ANKRD44: variants seen among roughly 807,000 people sequenced by gnomAD.
ANKRD44 encodes ankyrin repeat domain 44.
In ANKRD44, 35 loss-of-function variants were observed where a neutral mutation model predicts 116.0. That is an observed-to-expected ratio of 0.30 (90% CI 0.23 to 0.40). The LOEUF is 0.40. Ranked by LOEUF, ANKRD44 falls within the 10% of genes least tolerant of loss-of-function variation. The pLI is 1.00. For missense variants in ANKRD44, 1,014 were observed against 1,242.6 expected, an observed-to-expected ratio of 0.82 and a Z score of 2.77; for synonymous variants, 435 against 461.8, an observed-to-expected ratio of 0.94 and a Z score of 0.74.
chr2:197,104,616 G>A (rs905192528), intron 9 of ANKRD44, among the ~76,000 whole-genome samples: 2 of 152,156 alleles, frequency 1.3e-5, no homozygotes, highest in Non-Finnish European at 2.9e-5. Flanking sequence ...CCAGGACACT[G>A]TCCCTTGTAA....
At position 197,122,833 on chromosome 2, in the gene ANKRD44, A is replaced by G. The variant is rs749976313; in HGVS notation, c.551-41T>C. ...AGCAGAAAACATCGTTAACCTTTAT[A>G]GGACAATTTGCTGATTCATTTCACC... On this transcript the variant is annotated intron_variant, in intron 6 of 27. Coordinates refer to ENST00000282272, the MANE Select transcript of ANKRD44 (RefSeq NM_001195144.2). The G allele has an allele frequency of 1.3e-5, 20 of 1,595,584 alleles. No homozygotes were observed. In the Admixed American group the frequency reaches 3.5e-4, roughly 28 times the overall value.
intron 1 of ANKRD44, among the ~76,000 whole-genome samples, chr2:197,303,840 T>A (rs1056968918): frequency 3.3e-5 from 5 of 152,214 alleles, no homozygotes; most frequent in African/African-American, 1.2e-4. Context: ...AAATTATGAA[T>A]ATCATAATTA....
At chr2:197,035,089 A>C (rs1161236495) in intron 16 of ANKRD44, among the ~76,000 whole-genome samples, 1 of 152,220 alleles carries the variant, frequency 6.6e-6, no homozygotes, top group East Asian at 1.9e-4. Context: ...TAGAAGGTTA[A>C]ATTTAAGCCT....
intron 17 of ANKRD44, among the ~76,000 whole-genome samples, chr2:197,019,818 C>G (rs1016207900): frequency 1.1e-4 from 16 of 147,950 alleles, no homozygotes; most frequent in South Asian, 4.2e-4. Context: ...TTTTTTTGAG[C>G]TGGAGTCTCA....
At chr2:197,162,742 G>A (rs1405942137) in intron 2 of ANKRD44, among the ~76,000 whole-genome samples, 1 of 152,080 alleles carries the variant, frequency 6.6e-6, no homozygotes, top group Non-Finnish European at 1.5e-5. Flanking sequence ...ACATCTAACT[G>A]CCTGCTTTCC....
chr2:197,203,782 C>T lies in ANKRD44; in HGVS notation c.28-16676G>A, dbSNP rs1479023202. 6.6e-6 allele frequency among the ~76,000 whole-genome samples: 1 copy of T among 152,124 alleles called. No homozygotes were observed. Among genetic ancestry groups the T allele is most frequent in the East Asian group, 1.9e-4 (1 of 5,198 alleles). Reference sequence around the variant, plus strand: ...GCCGTAGAGTAAAATATTACTCAGCCATGAAAAGGAACAGCGTATAATGAT... The same window carrying T: ...GCCGTAGAGTAAAATATTACTCAGCTATGAAAAGGAACAGCGTATAATGAT... On this transcript the variant is annotated intron_variant, in intron 1 of 27. Transcript: ENST00000282272. This position sits in a 1 kb window ranked among gnomAD's most constrained non-coding sequence, Gnocchi z 4.1.
chr2:197,195,854 T>C (rs1304475079), intron 1 of ANKRD44, among the ~76,000 whole-genome samples: 3 of 152,218 alleles, frequency 2.0e-5, no homozygotes, highest in Non-Finnish European at 4.4e-5. Context: ...CATATTTCTA[T>C]CAGGATCTGC....
chr2:197,143,786 C>T (rs1316430496), intron 3 of ANKRD44, among the ~76,000 whole-genome samples: 1 of 152,108 alleles, frequency 6.6e-6, no homozygotes, highest in Non-Finnish European at 1.5e-5. Flanking sequence ...CCCACCACCA[C>T]ATTCAGCTAA....
chr2:197,098,213 T>C (rs2078207961), intron 10 of ANKRD44, among the ~76,000 whole-genome samples: 1 of 152,196 alleles, frequency 6.6e-6, no homozygotes, highest in East Asian at 1.9e-4. Flanking sequence ...AATTTGTGCT[T>C]GTTCTTATCT....
At chr2:197,228,153 T>C (rs1469107065) in intron 1 of ANKRD44, among the ~76,000 whole-genome samples, 4 of 152,226 alleles carry the variant, frequency 2.6e-5, no homozygotes, top group Admixed American at 6.5e-5. Flanking sequence ...CCTTGGATAT[T>C]TGACAAGGTT....
chr2:196,994,990 G>A, intron 26 of ANKRD44: 1 of 155,260 alleles, frequency 6.4e-6, no homozygotes, highest in Non-Finnish European at 1.4e-5. Context: ...AATGTATTCT[G>A]GGAAACTGAT....
In ANKRD44 at chr2:197,276,275, CAAAA is replaced by C. The variant is rs11351342; in HGVS notation, c.27+34299_27+34302del. 7.4e-5 allele frequency among the ~76,000 whole-genome samples: 8 copies of C among 108,064 alleles called. No individual in the cohort carries two copies. The East Asian group carries it at 8.0e-4, about 11-fold the overall frequency. The allele number at this position is 108,064 out of a possible 152,430, so 70.9% of individuals were successfully genotyped here. On this transcript the variant is annotated intron_variant, in intron 1 of 27. Coordinates refer to ENST00000282272, the MANE Select transcript of ANKRD44 (RefSeq NM_001195144.2). Reference sequence around the variant, plus strand: ...GAGCAAAAAGAGCGAAACTTGGTCTCAAAAAAAAAAAAAAAAAAAGGAAAATTAA... The same window carrying C: ...GAGCAAAAAGAGCGAAACTTGGTCTCAAAAAAAAAAAAAAAGGAAAATTAA...
chr2:197,104,442 AC>A (rs1425774875), intron 9 of ANKRD44, among the ~76,000 whole-genome samples: 1 of 152,158 alleles, frequency 6.6e-6, no homozygotes, highest in Non-Finnish European at 1.5e-5. Flanking sequence ...TAAAAGTAGG[AC>A]TATTGGACTA....
intron 2 of ANKRD44, among the ~76,000 whole-genome samples, chr2:197,159,637 A>G (rs895300020): frequency 2.0e-5 from 3 of 152,268 alleles, no homozygotes; most frequent in African/African-American, 7.2e-5. Flanking sequence ...TTTGAAAACG[A>G]CAAAACATTA....
intron 2 of ANKRD44, among the ~76,000 whole-genome samples, chr2:197,174,600 C>G (rs929448781): frequency 6.6e-6 from 1 of 152,158 alleles, no homozygotes; most frequent in Non-Finnish European, 1.5e-5. Context: ...AACTTCAGGA[C>G]AGTGGTTCCC....
At chr2:197,237,721 GT>G (rs1366539266) in intron 1 of ANKRD44, among the ~76,000 whole-genome samples, 3 of 152,118 alleles carry the variant, frequency 2.0e-5, no homozygotes. Flanking sequence ...AGGTCTGATT[GT>G]TTTATTTATT....
chr2:197,001,917 A>G, intron 21 of ANKRD44, 77 bp from the exon 22 acceptor site: 1 of 1,094,490 alleles, frequency 9.1e-7, no homozygotes, highest in East Asian at 2.4e-5. Flanking sequence ...TTCATTAAGT[A>G]TTGAGTTTTT....
chr2:197,065,216 C>A (rs1019943728), intron 16 of ANKRD44, among the ~76,000 whole-genome samples: 3 of 152,016 alleles, frequency 2.0e-5, no homozygotes, highest in African/African-American at 4.8e-5. Context: ...GGGTACATAA[C>A]GAAATGAAGG....
intron 3 of ANKRD44, 81 bp from the exon 4 acceptor site, chr2:197,136,743 C>T: frequency 8.2e-7 from 1 of 1,225,492 alleles, no homozygotes; most frequent in South Asian, 1.2e-5. Context: ...CTGTATCTTG[C>T]TCCCATTTGC....
Sources: allele counts gnomAD v4.1 joint callset (sites outside exome capture counted in the v4.1 genomes callset), GRCh38; gene constraint gnomAD v4.1.1; non-coding constraint Gnocchi (gnomAD v3.1); transcripts MANE v1.5; gene names NCBI Gene and HGNC (gene_info 2026-07-23, HGNC 2026-07-21).